Variants in EPHA6 observed in about 807,000 individuals in gnomAD.
The protein encoded by EPHA6 is EPH receptor A6, also known as ephrin type-A receptor 6.
EPHA6 carries 50 observed loss-of-function variants against 112.0 expected under a neutral mutation model. That is an observed-to-expected ratio of 0.45 (90% confidence interval 0.36 to 0.56). The LOEUF (loss-of-function observed/expected upper bound fraction) is 0.56, where lower values mean the gene tolerates loss of function less well. Ranked by LOEUF, EPHA6 falls within the 20% of genes least tolerant of loss-of-function variation. EPHA6 has a pLI of 0.00. For synonymous variants in EPHA6, 529 were observed against 490.7 expected, an observed-to-expected ratio of 1.08 and a Z score of -1.03; for missense variants, 1,280 against 1,417.4, an observed-to-expected ratio of 0.90 and a Z score of 1.56.
intron 5 of EPHA6, among the ~76,000 whole-genome samples, chr3:97,292,917 G>C (rs1223079323): frequency 1.3e-5 from 2 of 150,206 alleles, no homozygotes; most frequent in African/African-American, 4.9e-5. Flanking sequence ...GAGGAGACCT[G>C]TGGTGGGTAG....
chr3:97,539,034 T>G lies in EPHA6; in HGVS notation c.2386+6491T>G, dbSNP rs376724758. 4.6e-4 allele frequency among the ~76,000 whole-genome samples: 66 copies of G among 142,130 alleles called. No homozygotes were observed. The East Asian group carries it at 4.8e-3, about 10-fold the overall frequency. The allele number at this position is 142,130 out of a possible 152,430, so 93.2% of individuals were successfully genotyped here. A position where few individuals can be genotyped will look rare whatever the true frequency, so the allele number is the denominator to read the frequency against. On this transcript the variant is annotated intron_variant, in intron 11 of 17. Coordinates refer to ENST00000389672, the MANE Select transcript of EPHA6 (RefSeq NM_001080448.3). Reference sequence around the variant, plus strand: ...TTCTTTCTTTCTTTCTTTCTTTCTTTCTTGCTTTCTTTCTTTCTTTTTCTC... The same window carrying G: ...TTCTTTCTTTCTTTCTTTCTTTCTTGCTTGCTTTCTTTCTTTCTTTTTCTC...
intron 11 of EPHA6, among the ~76,000 whole-genome samples, chr3:97,584,175 A>C (rs949340218): frequency 6.6e-6 from 1 of 152,156 alleles, no homozygotes; most frequent in Admixed American, 6.5e-5. Flanking sequence ...CTACCTTTGT[A>C]TTGTTCATAT....
chr3:97,193,474 TTGTA>T (rs1228444917), intron 3 of EPHA6, among the ~76,000 whole-genome samples: 1 of 152,138 alleles, frequency 6.6e-6, no homozygotes, highest in Non-Finnish European at 1.5e-5. Context: ...CTGCTGATTT[TTGTA>T]TGTTGACTAT....
chr3:97,445,060 T>C (rs540919220), intron 6 of EPHA6, among the ~76,000 whole-genome samples: 9 of 152,282 alleles, frequency 5.9e-5, no homozygotes, highest in African/African-American at 2.2e-4. Flanking sequence ...GTTCACACTA[T>C]TTGGTTCCAA....
At chr3:97,589,346 A>G (rs1420182327) in intron 11 of EPHA6, among the ~76,000 whole-genome samples, 2 of 152,072 alleles carry the variant, frequency 1.3e-5, no homozygotes, top group Non-Finnish European at 1.5e-5. Flanking sequence ...AGTTTACTGT[A>G]ATCAGAATGC....
chr3:97,620,517 A>T (rs2093805283), intron 13 of EPHA6, among the ~76,000 whole-genome samples: 1 of 152,148 alleles, frequency 6.6e-6, no homozygotes, highest in South Asian at 2.1e-4. Flanking sequence ...CAAACTATGC[A>T]TCTGACAGAG....
intron 3 of EPHA6, among the ~76,000 whole-genome samples, chr3:97,172,361 G>T (rs1373828826): frequency 6.6e-6 from 1 of 152,002 alleles, no homozygotes; most frequent in Non-Finnish European, 1.5e-5. Context: ...ATGCAGAAAT[G>T]AGTGAGAAGG....
intron 13 of EPHA6, among the ~76,000 whole-genome samples, chr3:97,625,136 T>G (rs2093844899): frequency 6.6e-6 from 1 of 151,646 alleles, no homozygotes; most frequent in South Asian, 2.1e-4. Context: ...TAAGGTAGGT[T>G]GTGGTTTGGA....
intron 14 of EPHA6, among the ~76,000 whole-genome samples, chr3:97,705,326 G>A (rs933806058): frequency 6.6e-5 from 10 of 151,844 alleles, no homozygotes; most frequent in African/African-American, 2.4e-4. Context: ...CTTTCATAAG[G>A]TTCCAGCCTA....
intron 1 of EPHA6, among the ~76,000 whole-genome samples, chr3:96,828,317 G>T (rs2033799153): frequency 6.6e-6 from 1 of 152,002 alleles, no homozygotes; most frequent in Admixed American, 6.6e-5. Context: ...GAGATAACGT[G>T]GACCTATCTA....
chr3:97,447,965 C>T (rs1005766388), intron 6 of EPHA6: 12 of 208,140 alleles, frequency 5.8e-5, no homozygotes, highest in Non-Finnish European at 1.0e-4. Flanking sequence ...AGTCAATTCT[C>T]CCTTACAGGA....
In EPHA6 at chr3:96,814,851, C is replaced by A; in HGVS notation, c.228C>A (p.Cys76Ter). The A allele has an allele frequency of 6.4e-7, 1 of 1,564,568 alleles. No homozygotes were observed. Among genetic ancestry groups the A allele is most frequent in the Non-Finnish European group, 8.7e-7 (1 of 1,154,360 alleles). ...ACCCCCATCCTACCCAGAACACCTGCCTGCGCTGCCGCCACTTCTCTTTAA... is the reference window on the plus strand; with the variant it reads ...ACCCCCATCCTACCCAGAACACCTGACTGCGCTGCCGCCACTTCTCTTTAA... ...DKDPHPTQNT[C>*]LRCRHFSLRE... Residue 76 changes from cysteine (C) to a stop codon, truncating the protein, a stop_gained, in exon 1 of 18, where the codon TGC becomes TGA. Coordinates refer to ENST00000389672, the MANE Select transcript of EPHA6 (RefSeq NM_001080448.3). LOFTEE classifies it high-confidence loss of function.
At chr3:97,531,306 T>G (rs1420853043) in intron 10 of EPHA6, among the ~76,000 whole-genome samples, 2 of 152,112 alleles carry the variant, frequency 1.3e-5, no homozygotes, top group Non-Finnish European at 2.9e-5. Flanking sequence ...GTTTGTTGAA[T>G]GCATTACATT....
At chr3:96,904,971 A>C (rs952349019) in intron 2 of EPHA6, among the ~76,000 whole-genome samples, 2 of 152,176 alleles carry the variant, frequency 1.3e-5, no homozygotes, top group East Asian at 3.9e-4. Flanking sequence ...GTATGCATTG[A>C]AAAGCAAATA....
intron 10 of EPHA6, among the ~76,000 whole-genome samples, chr3:97,516,997 G>A (rs1343676062): frequency 1.3e-5 from 2 of 152,006 alleles, no homozygotes; most frequent in Non-Finnish European, 2.9e-5. Flanking sequence ...AGACATTCAA[G>A]GCAGAACAAA....
chr3:96,850,110 G>A (rs539493660), intron 1 of EPHA6, among the ~76,000 whole-genome samples: 2 of 152,118 alleles, frequency 1.3e-5, no homozygotes, highest in African/African-American at 4.8e-5. Flanking sequence ...GAGATGTCCA[G>A]TTTCAACTAT....
chr3:96,893,318 G>A (rs567551455), intron 2 of EPHA6, among the ~76,000 whole-genome samples: 1 of 152,132 alleles, frequency 6.6e-6, no homozygotes, highest in Admixed American at 6.5e-5. Context: ...CTGTAAAACA[G>A]TGTATCATGT....
chr3:97,270,107 A>G (rs995542996), intron 5 of EPHA6, among the ~76,000 whole-genome samples: 25 of 152,218 alleles, frequency 1.6e-4, no homozygotes, highest in African/African-American at 6.0e-4. Flanking sequence ...CAATAGGAGT[A>G]TAATTTTCAG....
At chr3:96,911,248 A>G (rs1389924641) in intron 2 of EPHA6, among the ~76,000 whole-genome samples, 1 of 152,064 alleles carries the variant, frequency 6.6e-6, no homozygotes, top group Admixed American at 6.6e-5. Context: ...TTTATTGAAA[A>G]CATATTTTGT....
Sources: gnomAD v4.1 joint callset for allele counts (sites outside exome capture counted in the v4.1 genomes callset) on GRCh38, gnomAD v4.1.1 for gene constraint, MANE v1.5 for transcripts, NCBI Gene and HGNC (gene_info 2026-07-23, HGNC 2026-07-21) for gene names.